Variants in MYO3B observed in about 807,000 individuals in gnomAD.
MYO3B encodes myosin IIIB.
In MYO3B, 156 loss-of-function variants were observed where a neutral mutation model predicts 174.6. The observed-to-expected ratio is 0.89, with a 90% CI of 0.78 to 1.02. The LOEUF (loss-of-function observed/expected upper bound fraction) is 1.02, where lower values mean the gene tolerates loss of function less well. MYO3B is among the 50% of genes least tolerant of loss of function. MYO3B has a pLI of 0.00. For missense variants in MYO3B, 1,632 were observed against 1,639.4 expected (o/e 1.00, Z 0.08); for synonymous variants, 563 against 569.1 (o/e 0.99, Z 0.15).
intron 1 of MYO3B, among the ~76,000 whole-genome samples, chr2:170,193,496 T>C (rs1028172298): frequency 1.3e-5 from 2 of 152,144 alleles, no homozygotes; most frequent in Non-Finnish European, 2.9e-5. Flanking sequence ...GTTTTGACCT[T>C]ATTAAAGAAT....
At chr2:170,651,858 T>C in intron 33 of MYO3B, 124 bp downstream of exon 33, 1 of 595,426 alleles carries the variant, frequency 1.7e-6, no homozygotes, top group Non-Finnish European at 2.9e-6. Context: ...CTTGAACATG[T>C]GCTTAGGCTC....
At chr2:170,369,158 T>C in intron 8 of MYO3B, 64 bp from the exon 9 acceptor site, 1 of 1,490,562 alleles carries the variant, frequency 6.7e-7, no homozygotes, top group Non-Finnish European at 9.2e-7. Flanking sequence ...CCATCTCCCA[T>C]ATTCATAGGG....
intron 7 of MYO3B, among the ~76,000 whole-genome samples, chr2:170,250,003 G>C (rs2093233994): frequency 6.6e-6 from 1 of 152,104 alleles, no homozygotes; most frequent in Admixed American, 6.5e-5. Context: ...TTGAGGTTTA[G>C]AACAATGACA....
At chr2:170,597,682 C>T (rs1020446660) in intron 32 of MYO3B, among the ~76,000 whole-genome samples, 1 of 152,160 alleles carries the variant, frequency 6.6e-6, no homozygotes, top group African/African-American at 2.4e-5. Context: ...CTGATGACTA[C>T]AGTCATGAAC....
At chr2:170,626,371 T>A (rs916682477) in intron 32 of MYO3B, among the ~76,000 whole-genome samples, 1 of 152,338 alleles carries the variant, frequency 6.6e-6, no homozygotes, top group East Asian at 1.9e-4. Context: ...AGACTAGGAT[T>A]GCAACCCCTG....
chr2:170,372,544 G>GT (rs1373615091), intron 9 of MYO3B, among the ~76,000 whole-genome samples: 1 of 152,152 alleles, frequency 6.6e-6, no homozygotes, highest in African/African-American at 2.4e-5. Flanking sequence ...TTATACATGT[G>GT]TATGTGTCAG....
At chr2:170,484,498 T>C (rs183507705) in intron 25 of MYO3B, among the ~76,000 whole-genome samples, 4 of 152,336 alleles carry the variant, frequency 2.6e-5, no homozygotes, top group South Asian at 4.1e-4. Flanking sequence ...CCCAGTGTCA[T>C]TGTGATTTTT....
chr2:170,335,501 T>C, intron 8 of MYO3B, 51 bp downstream of exon 8: 1 of 1,401,210 alleles, frequency 7.1e-7, no homozygotes, highest in Non-Finnish European at 1.0e-6. Flanking sequence ...CCTTGAGCAG[T>C]GATTGGAGAA....
chr2:170,407,892 C>T lies in MYO3B; in HGVS notation c.2650+48C>T, dbSNP rs768196017. 3 of 1,608,352 alleles carry T rather than the reference C, an allele frequency of 1.9e-6. No homozygotes were observed. The South Asian group carries it at 3.3e-5, about 18-fold the overall frequency. ...CCCTGCTCTTAAAGCTTTTGCAAGA[C>T]CAGGTGAAATTTTCCAGTTAGTGTC... On this transcript the variant is annotated intron_variant, in intron 22 of 34. Coordinates refer to ENST00000408978, the MANE Select transcript of MYO3B (RefSeq NM_138995.5).
At chr2:170,458,044 G>A (rs897959911) in intron 23 of MYO3B, among the ~76,000 whole-genome samples, 5 of 152,148 alleles carry the variant, frequency 3.3e-5, no homozygotes, top group East Asian at 1.9e-4. Context: ...ATGAGCTATC[G>A]CACCTGGCTA....
At position 170,394,455 on chromosome 2, in the gene MYO3B, T is replaced by C. The variant is rs1005508630; in HGVS notation, c.1791+1960T>C. 3.3e-5 allele frequency among the ~76,000 whole-genome samples: 5 copies of C among 152,150 alleles called. No individual in the cohort carries two copies. In the East Asian group the frequency reaches 9.6e-4, roughly 29 times the overall value. ...GCATTAAAAACAGAAGAATTAAGTA[T>C]GTTAAGTATATGTCCTTGAAGTAAG... On this transcript the variant is annotated intron_variant, in intron 16 of 34. Coordinates refer to ENST00000408978, the MANE Select transcript of MYO3B (RefSeq NM_138995.5).
intron 32 of MYO3B, among the ~76,000 whole-genome samples, chr2:170,634,623 T>A (rs1221244107): frequency 6.6e-6 from 1 of 152,054 alleles, no homozygotes; most frequent in Non-Finnish European, 1.5e-5. Context: ...ACAAATGGGA[T>A]CTAATTAAAC....
intron 32 of MYO3B, among the ~76,000 whole-genome samples, chr2:170,578,299 G>A (rs1044312154): frequency 6.6e-6 from 1 of 152,220 alleles, no homozygotes; most frequent in African/African-American, 2.4e-5. Context: ...GGAAGGCGGG[G>A]CCAAAAGGGT....
intron 32 of MYO3B, among the ~76,000 whole-genome samples, chr2:170,625,595 G>T (rs183436599): frequency 1.3e-5 from 2 of 152,232 alleles, no homozygotes; most frequent in African/African-American, 4.8e-5. Flanking sequence ...CTTTCTGCTA[G>T]CTTTTGAATG....
chr2:170,541,571 AT>A (rs979315589), intron 30 of MYO3B, among the ~76,000 whole-genome samples: 79 of 152,208 alleles, frequency 5.2e-4, no homozygotes, highest in South Asian at 2.1e-3. Flanking sequence ...ATTTAAAAGC[AT>A]TTTTTTTAAA....
At chr2:170,216,608 T>C (rs1574595538) in intron 5 of MYO3B, among the ~76,000 whole-genome samples, 2 of 151,918 alleles carry the variant, frequency 1.3e-5, no homozygotes, top group African/African-American at 4.8e-5. Flanking sequence ...CCAGATAATG[T>C]TATTAGTCAT....
At chr2:170,466,045 AT>A (rs1684608473) in intron 24 of MYO3B, among the ~76,000 whole-genome samples, 1 of 151,640 alleles carries the variant, frequency 6.6e-6, no homozygotes, top group Admixed American at 6.6e-5. Flanking sequence ...TTGTTTTTGT[AT>A]TTTTCTTTTC....
At chr2:170,247,882 A>G (rs753234197) in intron 7 of MYO3B, among the ~76,000 whole-genome samples, 1 of 152,222 alleles carries the variant, frequency 6.6e-6, no homozygotes, top group Non-Finnish European at 1.5e-5. Context: ...TTTTGAGGGG[A>G]CATAAACATT....
intron 9 of MYO3B, among the ~76,000 whole-genome samples, chr2:170,381,084 G>A (rs537592303): frequency 6.6e-6 from 1 of 152,256 alleles, no homozygotes; most frequent in East Asian, 1.9e-4. Flanking sequence ...CTATGCCACT[G>A]CATTTCAGCC....
Sources: allele counts gnomAD v4.1 joint callset (sites outside exome capture counted in the v4.1 genomes callset), GRCh38; gene constraint gnomAD v4.1.1; transcripts MANE v1.5; gene names NCBI Gene and HGNC (gene_info 2026-07-23, HGNC 2026-07-21).